Variants in HERC2 observed in about 807,000 individuals in gnomAD.
HERC2 encodes the protein HECT and RLD domain containing E3 ubiquitin protein ligase 2.
HERC2 carries 102 observed loss-of-function variants against 537.7 expected under a neutral mutation model. That is an observed-to-expected ratio of 0.19 (90% CI 0.16 to 0.22). The LOEUF (loss-of-function observed/expected upper bound fraction) is 0.22. Ranked by LOEUF, HERC2 falls within the 10% of genes least tolerant of loss-of-function variation. The probability of loss-of-function intolerance (pLI) is 1.00; values close to 1 mark genes in which losing one functional copy is unlikely to be tolerated. For synonymous variants in HERC2, 2,224 were observed against 2,466.2 expected (o/e 0.90, Z 2.91); for missense variants, 4,236 against 6,198.2 (o/e 0.68, Z 10.63).
In HERC2 at chr15:28,213,726, G is replaced by C. The variant is rs1355688305; in HGVS notation, c.6786+16C>G. ...ATTTCCCTTATCATGCAGTAACTAA[G>C]CACAAGTTCACCTACTGGTTTCAGC... On this transcript the variant is annotated intron_variant, in intron 42 of 92. Coordinates refer to ENST00000261609, the MANE Select transcript of HERC2 (RefSeq NM_004667.6). 2 of 1,609,736 alleles carry C rather than the reference G, an allele frequency of 1.2e-6. No individual in the cohort carries two copies. Among genetic ancestry groups the C allele is most frequent in the Middle Eastern group, 1.7e-4 (1 of 5,842 alleles).
chr15:28,183,867 A>G (rs1451171829), intron 56 of HERC2, among the ~76,000 whole-genome samples: 3 of 152,198 alleles, frequency 2.0e-5, no homozygotes, highest in African/African-American at 4.8e-5. Context: ...AAATATTGAA[A>G]TATCTTGTGA....
At chr15:28,203,583 C>A (rs886648744) in intron 45 of HERC2, 5 of 152,034 alleles carry the variant, frequency 3.3e-5, no homozygotes, top group African/African-American at 1.2e-4. Flanking sequence ...GAACAGCTGA[C>A]GCAATCAGCA....
intron 2 of HERC2, among the ~76,000 whole-genome samples, chr15:28,310,801 C>G (rs375197756): frequency 2.6e-5 from 4 of 151,892 alleles, no homozygotes; most frequent in African/African-American, 9.7e-5. Flanking sequence ...TTACTGGCCA[C>G]GCACGGTGGC....
At chr15:28,178,397 T>C (rs760865438) in intron 59 of HERC2, among the ~76,000 whole-genome samples, 2 of 152,240 alleles carry the variant, frequency 1.3e-5, no homozygotes, top group Non-Finnish European at 2.9e-5. Context: ...ACCCCACCTC[T>C]GGACTTTTAC....
intron 7 of HERC2, among the ~76,000 whole-genome samples, chr15:28,273,575 T>C (rs1045300297): frequency 1.3e-5 from 2 of 152,222 alleles, no homozygotes; most frequent in African/African-American, 4.8e-5. Flanking sequence ...TCCAAGCCTA[T>C]GCTCAGGGCC....
At chr15:28,187,541 T>C (rs1896429223) in intron 55 of HERC2, among the ~76,000 whole-genome samples, 1 of 152,158 alleles carries the variant, frequency 6.6e-6, no homozygotes, top group African/African-American at 2.4e-5. Context: ...CCATGTTGGC[T>C]AGGCTGGTCT....
chr15:28,240,055 T>G (rs1195116454), intron 23 of HERC2, among the ~76,000 whole-genome samples: 3 of 98,510 alleles, frequency 3.0e-5, no homozygotes, highest in South Asian at 3.6e-4. Flanking sequence ...TATTGTAGGG[T>G]TTTTTTTTAA....
intron 26 of HERC2, among the ~76,000 whole-genome samples, chr15:28,235,058 G>A (rs895878859): frequency 2.0e-5 from 3 of 152,072 alleles, no homozygotes; most frequent in Non-Finnish European, 2.9e-5. Flanking sequence ...ACTTGAGGGA[G>A]TGCACCACTA....
intron 2 of HERC2, among the ~76,000 whole-genome samples, chr15:28,312,350 C>G (rs1478894242): frequency 6.6e-6 from 1 of 152,128 alleles, no homozygotes; most frequent in African/African-American, 2.4e-5. Flanking sequence ...ATGGAGACTA[C>G]AGGCAGGGCG....
At chr15:28,138,056 A>G (rs1890828624) in intron 78 of HERC2, among the ~76,000 whole-genome samples, 1 of 152,218 alleles carries the variant, frequency 6.6e-6, no homozygotes, top group South Asian at 2.1e-4. Context: ...AGAGCTTGCT[A>G]ACTGTCTTCA....
At chr15:28,186,147 T>C (rs541795201) in intron 56 of HERC2, among the ~76,000 whole-genome samples, 18 of 152,324 alleles carry the variant, frequency 1.2e-4, no homozygotes, top group African/African-American at 3.8e-4. Flanking sequence ...ACACTTAAAA[T>C]GGTAAACAAT....
intron 25 of HERC2, among the ~76,000 whole-genome samples, chr15:28,237,590 C>A (rs1902598817): frequency 6.6e-6 from 1 of 152,232 alleles, no homozygotes; most frequent in Non-Finnish European, 1.5e-5. Flanking sequence ...TCATCTTTTC[C>A]AGTCACAGAA....
In HERC2 at chr15:28,269,296, C is replaced by G. The variant is rs558415243; in HGVS notation, c.1398G>C (p.Leu466=). 73 of 1,614,142 alleles carry G rather than the reference C, an allele frequency of 4.5e-5. No individual in the cohort carries two copies. In the South Asian group the frequency reaches 7.6e-4, roughly 17 times the overall value. ...GTGTGTACACGCGGCCATTGCGTGA[C>G]AGAATCAGGAAACGCTTCTCTGCAC... The part of the protein sequence containing the change: ...IACAEKRFLI[L]SRNGRVYTQA... The change falls in exon 11 of 93, where the codon CTG becomes CTC. Residue 466 remains leucine, a synonymous_variant. Coordinates refer to ENST00000261609, the MANE Select transcript of HERC2 (RefSeq NM_004667.6).
chr15:28,157,239 C>G (rs1003270706), intron 69 of HERC2, among the ~76,000 whole-genome samples: 1 of 152,162 alleles, frequency 6.6e-6, no homozygotes. Context: ...GCTTTGGTAT[C>G]AGGATGGTGC....
intron 12 of HERC2, 48 bp from the exon 13 acceptor site, chr15:28,266,022 TTTC>T: frequency 6.3e-7 from 1 of 1,593,812 alleles, no homozygotes. Flanking sequence ...CTTGGTGTTA[TTTC>T]TTATTAATGT....
intron 70 of HERC2, among the ~76,000 whole-genome samples, chr15:28,146,557 C>CA (rs1387378540): frequency 6.6e-6 from 1 of 152,236 alleles, no homozygotes; most frequent in Non-Finnish European, 1.5e-5. Context: ...AAAACACTTC[C>CA]ACTTGGCCAA....
intron 70 of HERC2, among the ~76,000 whole-genome samples, chr15:28,151,668 C>T (rs1892467831): frequency 6.6e-6 from 1 of 151,920 alleles, no homozygotes; most frequent in Admixed American, 6.6e-5. Flanking sequence ...ACTGAAGAGG[C>T]TGCCACTGTC....
rs748388241 is a variant in HERC2 at position 28,292,998 on chromosome 15, G to C, written c.212C>G (p.Thr71Arg). ...RKDDSVEPSG[T>R]KKEDLNDKEK... ...TTTGTCATTCAGATCTTCTTTCTTT[G>C]TTCCACTTGGTTCGACACTATCATC... The change falls in exon 4 of 93, where the codon ACA becomes AGA. Residue 71 changes from threonine to arginine, a missense_variant. By Grantham distance (71) the Thr-to-Arg change is moderately conservative. Coordinates refer to ENST00000261609, the MANE Select transcript of HERC2 (RefSeq NM_004667.6). 6.2e-7 allele frequency: 1 copy of C among 1,610,030 alleles called. No homozygotes were observed. Among genetic ancestry groups the C allele is most frequent in the Non-Finnish European group, 8.5e-7 (1 of 1,179,362 alleles).
At chr15:28,204,147 G>A (rs1411544483) in intron 45 of HERC2, among the ~76,000 whole-genome samples, 7 of 152,020 alleles carry the variant, frequency 4.6e-5, no homozygotes, top group Admixed American at 6.5e-5. Context: ...ACAATGTAAC[G>A]TCCAAAGAAT....
Sources: gnomAD v4.1 joint callset for allele counts (sites outside exome capture counted in the v4.1 genomes callset) on GRCh38, gnomAD v4.1.1 for gene constraint, MANE v1.5 for transcripts, NCBI Gene and HGNC (gene_info 2026-07-23, HGNC 2026-07-21) for gene names.